The following VPS26C variants were observed in gnomAD, a reference collection of about 807,000 sequenced individuals.
VPS26C encodes VPS26 endosomal protein sorting factor C.
Under a neutral mutation model 30.6 loss-of-function variants are expected in VPS26C, and 19 were observed. The observed-to-expected ratio is 0.62, with a 90% confidence interval of 0.43 to 0.91. VPS26C has a LOEUF of 0.91. Among genes scored for constraint, VPS26C ranks in the 40% least tolerant of loss-of-function variants. VPS26C has a pLI of 0.00. For synonymous variants in VPS26C, 132 were observed against 151.5 expected, an observed-to-expected ratio of 0.87 and a Z score of 0.95; for missense variants, 318 against 385.1, an observed-to-expected ratio of 0.83 and a Z score of 1.46.
chr21:37,261,553 A>C (rs898360922), intron 1 of VPS26C: 2 of 152,034 alleles, frequency 1.3e-5, no homozygotes, highest in African/African-American at 4.8e-5. Flanking sequence ...GAAAGTTTCT[A>C]AAATTTAAAT....
chr21:37,250,866 C>G (rs1317337709), intron 1 of VPS26C, among the ~76,000 whole-genome samples: 2 of 144,642 alleles, frequency 1.4e-5, no homozygotes, highest in East Asian at 4.2e-4. Flanking sequence ...CACCACTGCA[C>G]TCCAGCCTGG....
In VPS26C at chr21:37,225,628, TGAGAA is replaced by T. The variant is rs764019125; in HGVS notation, c.812-7_812-3del. The T allele has an allele frequency of 2.4e-5, 38 of 1,613,370 alleles. No individual in the cohort carries two copies. The highest frequency in any genetic ancestry group is 3.2e-5 in the Non-Finnish European group (38 of 1,179,406). ...GCACCACGATGTTAACCTCAAATTC[TGAGAA>T]GAGAAGAGAGGGTGGGTTTGTGCTC... On this transcript the variant is annotated splice_region_variant and splice_polypyrimidine_tract_variant and intron_variant, in intron 7 of 7. Transcript: ENST00000309117.
chr21:37,267,400 G>C, upstream of VPS26C: 3 of 1,011,290 alleles, frequency 3.0e-6, no homozygotes, highest in Non-Finnish European at 4.6e-6. Flanking sequence ...CCTCTCTGCC[G>C]GCAGTGGCTC....
chr21:37,240,858 C>T (rs914269226), intron 1 of VPS26C, among the ~76,000 whole-genome samples: 4 of 152,156 alleles, frequency 2.6e-5, no homozygotes, highest in African/African-American at 9.7e-5. Flanking sequence ...CGGGGAGCAC[C>T]CGGGTGTGGG....
chr21:37,256,109 T>A (rs920869145), intron 1 of VPS26C, among the ~76,000 whole-genome samples: 1 of 152,204 alleles, frequency 6.6e-6, no homozygotes, highest in African/African-American at 2.4e-5. Context: ...GTGCTGGGAT[T>A]ACAGGCATGA....
At chr21:37,228,180 G>C (rs372201969) in intron 6 of VPS26C, 43 bp downstream of exon 6, 1 of 1,595,230 alleles carries the variant, frequency 6.3e-7, no homozygotes, top group Non-Finnish European at 8.5e-7. Context: ...GGTGGCAGTC[G>C]AGGGGGACAG....
chr21:37,245,875 T>C (rs1289187113), intron 1 of VPS26C, among the ~76,000 whole-genome samples: 3 of 151,704 alleles, frequency 2.0e-5, no homozygotes, highest in African/African-American at 7.3e-5. Context: ...AAGGAAGAGA[T>C]AAAAATATAG....
chr21:37,248,754 A>G (rs537591157), intron 1 of VPS26C, among the ~76,000 whole-genome samples: 4 of 151,794 alleles, frequency 2.6e-5, no homozygotes, highest in African/African-American at 9.6e-5. Context: ...ACAGCAAAAT[A>G]AGACAAAAGT....
intron 1 of VPS26C, among the ~76,000 whole-genome samples, chr21:37,263,789 G>GT (rs2148313069): frequency 6.6e-6 from 1 of 152,308 alleles, no homozygotes; most frequent in East Asian, 1.9e-4. Context: ...AGGTCCATAG[G>GT]TAAGTCAAAT....
chr21:37,252,690 G>A (rs1347037809), intron 1 of VPS26C, among the ~76,000 whole-genome samples: 1 of 152,192 alleles, frequency 6.6e-6, no homozygotes, highest in African/African-American at 2.4e-5. Context: ...TCTTCTACAG[G>A]TGAATAGATG....
chr21:37,251,369 T>C (rs773368023), intron 1 of VPS26C, among the ~76,000 whole-genome samples: 1 of 152,228 alleles, frequency 6.6e-6, no homozygotes, highest in Non-Finnish European at 1.5e-5. Context: ...CACTAGTACA[T>C]ATGGGGATGC....
chr21:37,258,084 C>T (rs897140107), intron 1 of VPS26C, among the ~76,000 whole-genome samples: 11 of 152,242 alleles, frequency 7.2e-5, no homozygotes, highest in African/African-American at 1.2e-4. Flanking sequence ...CCCCATACTG[C>T]TCACACTACG....
chr21:37,232,316 G>A, intron 5 of VPS26C, 61 bp downstream of exon 5: 1 of 1,451,488 alleles, frequency 6.9e-7, no homozygotes, highest in South Asian at 1.2e-5. Flanking sequence ...GCAATAGCTA[G>A]TCCGTGGGGT....
At chr21:37,252,861 G>A (rs2086207367) in intron 1 of VPS26C, among the ~76,000 whole-genome samples, 1 of 152,166 alleles carries the variant, frequency 6.6e-6, no homozygotes, top group Admixed American at 6.5e-5. Flanking sequence ...TGCCAGTTAC[G>A]TGACATTCTG....
rs1489729577 is a variant in VPS26C at position 37,256,305 on chromosome 21, C to T, written c.57+10933G>A. On this transcript the variant is annotated intron_variant, in intron 1 of 7. Coordinates refer to ENST00000309117, the MANE Select transcript of VPS26C (RefSeq NM_006052.2). ...CACTGGCCGTAGGCCTGTGAAGACA[C>T]CTCAGCAGCCACTTTGGGATGTGAG... is the stretch of plus-strand genomic sequence containing the variant. Among the ~76,000 whole-genome samples, 3 of 152,166 alleles carry T rather than the reference C, an allele frequency of 2.0e-5. No individual in the cohort carries two copies. In the East Asian group the frequency reaches 5.8e-4, roughly 29 times the overall value.
At chr21:37,262,209 A>T (rs1386500150) in intron 1 of VPS26C, among the ~76,000 whole-genome samples, 3 of 152,230 alleles carry the variant, frequency 2.0e-5, no homozygotes, top group Admixed American at 6.5e-5. Flanking sequence ...TAAAAGAAAC[A>T]GTCTAAAGGA....
At chr21:37,262,078 T>C (rs2086310446) in intron 1 of VPS26C, 1 of 151,204 alleles carries the variant, frequency 6.6e-6, no homozygotes, top group Admixed American at 6.6e-5. Flanking sequence ...AAAAAGAACA[T>C]AATAAACCCT....
intron 1 of VPS26C, among the ~76,000 whole-genome samples, chr21:37,248,342 G>T (rs1460499330): frequency 1.8e-4 from 8 of 43,944 alleles, no homozygotes; most frequent in African/African-American, 7.3e-4. Context: ...TCTGGGGGTG[G>T]GGGGAGGGGG....
chr21:37,267,179 A>T (rs1328230090), intron 1 of VPS26C, 59 bp downstream of exon 1: 2 of 1,397,198 alleles, frequency 1.4e-6, no homozygotes, highest in Non-Finnish European at 2.0e-6. Context: ...CGATGGAGAC[A>T]GCGGAACCTG....
Sources: allele counts gnomAD v4.1 joint callset (sites outside exome capture counted in the v4.1 genomes callset), GRCh38; gene constraint gnomAD v4.1.1; transcripts MANE v1.5; gene names NCBI Gene and HGNC (gene_info 2026-07-23, HGNC 2026-07-21).